TRPM1: variants seen among roughly 807,000 people sequenced by gnomAD.
The protein encoded by TRPM1 is transient receptor potential cation channel subfamily M member 1, also known as TRPM1-203 APA Isoform, Intron 10.
Under a neutral mutation model 149.4 loss-of-function variants are expected in TRPM1, and 113 were observed. That is an observed-to-expected ratio of 0.76 (90% confidence interval 0.65 to 0.88). The LOEUF is 0.88. Ranked by LOEUF, TRPM1 falls within the 40% of genes least tolerant of loss-of-function variation. The pLI is 0.00. For synonymous variants in TRPM1, 741 were observed against 759.5 expected, an observed-to-expected ratio of 0.98 and a Z score of 0.40; for missense variants, 1,976 against 2,038.7, an observed-to-expected ratio of 0.97 and a Z score of 0.59.
chr15:31,023,257 A>G (rs893909039), intron 27 of TRPM1, among the ~76,000 whole-genome samples: 8 of 152,234 alleles, frequency 5.3e-5, no homozygotes, highest in Non-Finnish European at 1.2e-4. Context: ...CATCAGACAG[A>G]GGGCACAGCC....
chr15:31,060,716 G>A, intron 10 of TRPM1, 72 bp from the exon 11 acceptor site: 5 of 1,206,632 alleles, frequency 4.1e-6, no homozygotes, highest in African/African-American at 1.5e-5. Flanking sequence ...GGTGCTGGGT[G>A]GTGAGCACAG....
chr15:31,061,241 C>T (rs1438522795), intron 10 of TRPM1, among the ~76,000 whole-genome samples: 1 of 152,200 alleles, frequency 6.6e-6, no homozygotes, highest in Non-Finnish European at 1.5e-5. Context: ...CCATGATGGT[C>T]CAGGAGCACC....
intron 1 of TRPM1, among the ~76,000 whole-genome samples, chr15:31,145,833 T>A (rs977826254): frequency 6.6e-6 from 1 of 152,068 alleles, no homozygotes; most frequent in African/African-American, 2.4e-5. Context: ...GGTTGTCTAG[T>A]CTTTTGGCTT....
chr15:31,076,954 A>C lies in TRPM1; in HGVS notation c.34T>G (p.Cys12Gly), dbSNP rs1332593585. ...GQKSWIEKTFCKRECIFVIPS... is the reference protein window; with the variant it reads ...GQKSWIEKTFGKRECIFVIPS... ...ATTACAAAGATACATTCCCGTTTGC[A>C]AAAGGTTTTCTCTATCCAAGATTTC... is the stretch of plus-strand genomic sequence containing the variant. Residue 12 changes from cysteine (C) to glycine (G), a missense_variant, in exon 3 of 28, where the codon TGC (cysteine) becomes GGC (glycine). Cys to Gly is a radical substitution (Grantham distance 159). Transcript: ENST00000256552. 11 of 1,612,764 alleles carry C rather than the reference A, an allele frequency of 6.8e-6. No individual in the cohort carries two copies. In the East Asian group the frequency reaches 2.5e-4, roughly 36 times the overall value.
At chr15:31,100,639 C>T (rs1340957924) in intron 1 of TRPM1, among the ~76,000 whole-genome samples, 2 of 152,164 alleles carry the variant, frequency 1.3e-5, no homozygotes, top group African/African-American at 2.4e-5. Flanking sequence ...CATAAGGCCT[C>T]CATCCTAAAA....
chr15:31,071,466 G>A (rs1169347828), intron 3 of TRPM1, among the ~76,000 whole-genome samples: 1 of 152,098 alleles, frequency 6.6e-6, no homozygotes, highest in African/African-American at 2.4e-5. Context: ...GTGCTCCCAT[G>A]GGGCCAGCCT....
rs2033558781 is a variant in TRPM1 at position 31,040,063 on chromosome 15, CAG to C, written c.2316+53_2316+54del. On this transcript the variant is annotated intron_variant, in intron 18 of 27. Transcript: ENST00000256552. This position sits in a 1 kb window ranked among gnomAD's most constrained non-coding sequence, Gnocchi z 4.2. ...ACAGAAAGTGCTCAGTTCAGCCTGG[CAG>C]AGAGTCACTTGTCACTGTCACCCTG... 3 of 1,517,588 alleles carry C rather than the reference CAG, an allele frequency of 2.0e-6. No homozygotes were observed. The highest frequency in any genetic ancestry group is 1.7e-5 in the Admixed American group (1 of 59,772). 94.0% of individuals were successfully genotyped at this position (1,517,588 alleles called of 1,614,324 possible). A position where few individuals can be genotyped will look rare whatever the true frequency, so the allele number is the denominator to read the frequency against.
chr15:31,043,349 C>T (rs368819118), intron 16 of TRPM1, among the ~76,000 whole-genome samples: 1 of 152,142 alleles, frequency 6.6e-6, no homozygotes, highest in Non-Finnish European at 1.5e-5. Flanking sequence ...CCCGCCACCA[C>T]GCCCGGCTAA....
intron 27 of TRPM1, among the ~76,000 whole-genome samples, chr15:31,014,678 C>T (rs1042283380): frequency 6.6e-6 from 1 of 152,152 alleles, no homozygotes; most frequent in Non-Finnish European, 1.5e-5. Flanking sequence ...GTTCCTTACT[C>T]TACCTGCTTT....
rs2034096359 is a variant in TRPM1, at chr15:31,056,718, CT to C, written c.1263+3825del. 2.6e-5 allele frequency among the ~76,000 whole-genome samples: 4 copies of C among 152,112 alleles called. No individual in the cohort carries two copies. In the South Asian group the frequency reaches 8.3e-4, roughly 32 times the overall value. ...TTTATAGAGGGAGAGGGTTCATGAT[CT>C]TGAGAGATTTGTTTTAAGAGTTCAG... On this transcript the variant is annotated intron_variant, in intron 11 of 27. Coordinates refer to ENST00000256552, the MANE Select transcript of TRPM1 (RefSeq NM_001252024.2).
chr15:31,089,048 A>C (rs759575429), intron 1 of TRPM1, among the ~76,000 whole-genome samples: 6 of 152,250 alleles, frequency 3.9e-5, no homozygotes, highest in African/African-American at 7.2e-5. Flanking sequence ...TCAGAAATCC[A>C]GTAATTAGGA....
chr15:31,104,192 G>T (rs2035566428), upstream of TRPM1, among the ~76,000 whole-genome samples: 1 of 152,140 alleles, frequency 6.6e-6, no homozygotes, highest in Non-Finnish European at 1.5e-5. Context: ...GAGCCATGAG[G>T]ACACATTCCT....
chr15:31,058,815 C>T (rs2034152231), intron 11 of TRPM1, among the ~76,000 whole-genome samples: 1 of 152,220 alleles, frequency 6.6e-6, no homozygotes. Flanking sequence ...GGTGCAGTGA[C>T]TCATGCCTGT....
intron 11 of TRPM1, among the ~76,000 whole-genome samples, chr15:31,053,361 C>T (rs1426693869): frequency 6.6e-6 from 1 of 152,044 alleles, no homozygotes; most frequent in Non-Finnish European, 1.5e-5. Context: ...AGTGATTCTC[C>T]TACCTCAGCC....
chr15:31,047,397 G>C, intron 14 of TRPM1, 146 bp from the exon 15 acceptor site: 1 of 881,206 alleles, frequency 1.1e-6, no homozygotes, highest in Non-Finnish European at 1.8e-6. Context: ...ACAATATTCA[G>C]GCTGGGGAAA....
rs1464245629 is a variant in TRPM1, at chr15:31,067,319, C to A, written c.494-132G>T. 5 of 1,330,920 alleles carry A rather than the reference C, an allele frequency of 3.8e-6. No homozygotes were observed. The South Asian group carries it at 4.8e-5, about 13-fold the overall frequency. 82.4% of individuals were successfully genotyped at this position (1,330,920 alleles called of 1,614,324 possible). On this transcript the variant is annotated intron_variant, in intron 5 of 27. Transcript: ENST00000256552. ...AGGGGTGAGACACACTCATCTTTATCATTAAAACAAAGTACACTGAAAGTC... is the reference window on the plus strand; with the variant it reads ...AGGGGTGAGACACACTCATCTTTATAATTAAAACAAAGTACACTGAAAGTC...
chr15:31,084,344 T>C (rs1260089732), intron 1 of TRPM1, among the ~76,000 whole-genome samples: 1 of 152,168 alleles, frequency 6.6e-6, no homozygotes, highest in Non-Finnish European at 1.5e-5. Context: ...CCGGTACCCA[T>C]TAGCAGTCAC....
chr15:31,109,548 A>G (rs2035656079), intron 1 of TRPM1, among the ~76,000 whole-genome samples: 1 of 149,132 alleles, frequency 6.7e-6, no homozygotes, highest in African/African-American at 2.5e-5. Context: ...AAAATACAAA[A>G]AATTAGCTGG....
intron 1 of TRPM1, among the ~76,000 whole-genome samples, chr15:31,135,869 A>G (rs905857445): frequency 6.6e-6 from 1 of 152,170 alleles, no homozygotes; most frequent in Non-Finnish European, 1.5e-5. Context: ...CGCTGGCTCC[A>G]TGCTTCCTAT....
Sources: gnomAD v4.1 joint callset for allele counts (sites outside exome capture counted in the v4.1 genomes callset) on GRCh38, gnomAD v4.1.1 for gene constraint, Gnocchi (gnomAD v3.1) non-coding constraint, MANE v1.5 for transcripts, NCBI Gene and HGNC (gene_info 2026-07-23, HGNC 2026-07-21) for gene names.